The following KLHL29 variants were observed in gnomAD, a reference collection of about 807,000 sequenced individuals.
KLHL29 encodes kelch like family member 29.
Under a neutral mutation model 80.4 loss-of-function variants are expected in KLHL29, and 21 were observed. That is an observed-to-expected ratio of 0.26 (90% CI 0.19 to 0.38). The LOEUF is 0.38. KLHL29 is among the 10% of genes least tolerant of loss of function. KLHL29 has a pLI of 1.00. For synonymous variants in KLHL29, 511 were observed against 526.8 expected (o/e 0.97, Z 0.41); for missense variants, 867 against 1,223.9 (o/e 0.71, Z 4.35).
At chr2:23,529,406 C>T (rs1442778009) in intron 2 of KLHL29, among the ~76,000 whole-genome samples, 1 of 152,340 alleles carries the variant, frequency 6.6e-6, no homozygotes, top group East Asian at 1.9e-4. Context: ...TGAGCCCCTG[C>T]AGCTGGCTAA....
chr2:23,703,085 C>A, intron 11 of KLHL29, 101 bp from the exon 12 acceptor site: 2 of 828,352 alleles, frequency 2.4e-6, no homozygotes, highest in Non-Finnish European at 3.5e-6. Context: ...GCTGGCCATG[C>A]TGAGGGCGAG....
chr2:23,494,741 T>G (rs1665207263), intron 2 of KLHL29, among the ~76,000 whole-genome samples: 1 of 149,212 alleles, frequency 6.7e-6, no homozygotes, highest in African/African-American at 2.5e-5. Context: ...TCGGCTTCCA[T>G]CTGGTCCAGG....
intron 1 of KLHL29, among the ~76,000 whole-genome samples, chr2:23,420,445 G>A (rs1456139360): frequency 1.3e-5 from 2 of 152,200 alleles, no homozygotes; most frequent in African/African-American, 4.8e-5. Flanking sequence ...AGGAACACAG[G>A]CCCGCTGGCT....
In KLHL29 at chr2:23,647,220, A is replaced by C. The variant is rs1296278226; in HGVS notation, c.940+4370A>C. Among the ~76,000 whole-genome samples, 1 of 152,064 alleles carries C rather than the reference A, an allele frequency of 6.6e-6. No individual in the cohort carries two copies. Among genetic ancestry groups the C allele is most frequent in the African/African-American group, 2.4e-5 (1 of 41,398 alleles). ...AGGTGTGAGGCCTGGCACTGATCTC[A>C]TCTCTCCTTGCCCCACACTCTGACA... is the stretch of plus-strand genomic sequence containing the variant. On this transcript the variant is annotated intron_variant, in intron 5 of 13. Transcript: ENST00000486442. The surrounding 1 kb of genome is among the most constrained non-coding windows in gnomAD (Gnocchi z 4.9).
Position 23,696,605 on chromosome 2 carries a change from T to C in KLHL29, c.2105+92T>C. ...ACTGTACCTCCCAACACCCACTCAGTGGCGATGGAGCAGAGCCTGGACCAT... is the reference window on the plus strand; with the variant it reads ...ACTGTACCTCCCAACACCCACTCAGCGGCGATGGAGCAGAGCCTGGACCAT... On this transcript the variant is annotated intron_variant, in intron 11 of 13. Transcript: ENST00000486442. The surrounding 1 kb of genome is among the most constrained non-coding windows in gnomAD (Gnocchi z 5.5). The C allele has an allele frequency of 9.6e-7, 1 of 1,036,508 alleles. No homozygotes were observed. The highest frequency in any genetic ancestry group is 1.4e-6 in the Non-Finnish European group (1 of 719,668). 64.2% of individuals were successfully genotyped at this position (1,036,508 alleles called of 1,614,324 possible).
intron 3 of KLHL29, among the ~76,000 whole-genome samples, chr2:23,616,258 C>A (rs778219565): frequency 4.6e-5 from 7 of 152,186 alleles, no homozygotes; most frequent in Non-Finnish European, 1.0e-4. Context: ...AGTTCATACT[C>A]AGCCTGGGGT....
At chr2:23,427,733 A>T (rs1037640497) in intron 1 of KLHL29, among the ~76,000 whole-genome samples, 2 of 152,232 alleles carry the variant, frequency 1.3e-5, no homozygotes, top group Non-Finnish European at 2.9e-5. Context: ...CCTACTGGGA[A>T]ATATTTTAAG....
chr2:23,487,598 T>A (rs1283349118), intron 2 of KLHL29, among the ~76,000 whole-genome samples: 1 of 151,950 alleles, frequency 6.6e-6, no homozygotes, highest in Non-Finnish European at 1.5e-5. Flanking sequence ...CAGCCCACCC[T>A]GTATCATCTG....
At chr2:23,479,052 C>T (rs1055123217) in intron 2 of KLHL29, among the ~76,000 whole-genome samples, 82 of 151,858 alleles carry the variant, frequency 5.4e-4, no homozygotes, top group Non-Finnish European at 4.1e-4. Context: ...TCTTGGCCTC[C>T]GTGGTGTCCA....
chr2:23,693,301 G>T lies in KLHL29; in HGVS notation c.1315G>T (p.Val439Leu). ...GCTGACGGCCAGCAACTGCCTGGGC[G>T]TGCTGGCCATGGCCGAGGCCATGCA... ...KQLTASNCLG[V>L]LAMAEAMQCS... is the part of the protein sequence containing the mutation. The change falls in exon 8 of 14, where the codon GTG (valine) becomes TTG (leucine). Residue 439 changes from valine to leucine, a missense_variant. Around this residue, in one of 2 missense-constraint regions of KLHL29, gnomAD observed 443 missense variants for 767.0 expected, o/e 0.58. Transcript: ENST00000486442. The T allele has an allele frequency of 6.5e-7, 1 of 1,546,228 alleles. No homozygotes were observed. Among genetic ancestry groups the T allele is most frequent in the Non-Finnish European group, 8.7e-7 (1 of 1,143,390 alleles).
chr2:23,642,682 G>A lies in KLHL29; in HGVS notation c.772G>A (p.Ala258Thr), dbSNP rs1223373697. 5 of 1,548,022 alleles carry A rather than the reference G, an allele frequency of 3.2e-6. No individual in the cohort carries two copies. In the East Asian group the frequency reaches 9.8e-5, roughly 30 times the overall value. Residue 258 changes from alanine to threonine, a missense_variant, in exon 5 of 14, where the codon GCA (alanine) becomes ACA (threonine). Ala to Thr is a moderately conservative substitution (Grantham distance 58). This residue lies in a region of KLHL29 where 424 missense variants were observed against 456.9 expected (regional missense o/e 0.93). Transcript: ENST00000486442. ...CACCGCTGTGGGCAACGGCCACATG[G>A]CAGGGCCCCTGCTGCCTCCACCGCC... ...GPTAVGNGHMAGPLLPPPPPA... is the reference protein window; with the variant it reads ...GPTAVGNGHMTGPLLPPPPPA...
intron 1 of KLHL29, among the ~76,000 whole-genome samples, chr2:23,453,263 G>A (rs763735500): frequency 2.2e-4 from 34 of 152,164 alleles, no homozygotes; most frequent in Non-Finnish European, 4.6e-4. Flanking sequence ...TAACCACACC[G>A]TAGCTCAGTC....
intron 1 of KLHL29, among the ~76,000 whole-genome samples, chr2:23,464,613 G>A (rs1299677760): frequency 6.6e-6 from 1 of 152,108 alleles, no homozygotes. Flanking sequence ...GGTTCTGCTT[G>A]ACAAGAGAGG....
intron 1 of KLHL29, among the ~76,000 whole-genome samples, chr2:23,443,417 G>GT (rs956461996): frequency 2.6e-5 from 4 of 152,156 alleles, no homozygotes; most frequent in African/African-American, 7.2e-5. Context: ...TTTTAGAATT[G>GT]TTTTTTAAAA....
chr2:23,583,892 C>T (rs1558397386), intron 3 of KLHL29, among the ~76,000 whole-genome samples: 1 of 152,238 alleles, frequency 6.6e-6, no homozygotes, highest in East Asian at 1.9e-4. Context: ...CTCTGCTCCT[C>T]TTTATCTTGT....
At chr2:23,518,301 G>C (rs1036376192) in intron 2 of KLHL29, among the ~76,000 whole-genome samples, 6 of 152,162 alleles carry the variant, frequency 3.9e-5, no homozygotes, top group African/African-American at 1.4e-4. Flanking sequence ...TATTTTCCTT[G>C]CTTAGAAGTA....
At chr2:23,499,803 A>C (rs1361483294) in intron 2 of KLHL29, among the ~76,000 whole-genome samples, 1 of 152,230 alleles carries the variant, frequency 6.6e-6, no homozygotes, top group Non-Finnish European at 1.5e-5. Flanking sequence ...TGTTTATGAC[A>C]CATCTTCCTC....
intron 3 of KLHL29, among the ~76,000 whole-genome samples, chr2:23,634,838 C>T (rs544995600): frequency 6.6e-6 from 1 of 152,236 alleles, no homozygotes; most frequent in Non-Finnish European, 1.5e-5. Context: ...CATTCACTCT[C>T]CCTGGAATCC....
chr2:23,422,544 C>G (rs1662848500), intron 1 of KLHL29, among the ~76,000 whole-genome samples: 1 of 148,432 alleles, frequency 6.7e-6, no homozygotes, highest in Non-Finnish European at 1.5e-5. Context: ...GTGTCTGTGT[C>G]TCTCTGTGTT....
Sources: gnomAD v4.1 joint callset for allele counts (sites outside exome capture counted in the v4.1 genomes callset) on GRCh38, gnomAD v4.1.1 for gene constraint, gnomAD v4.1.1 regional missense constraint, Gnocchi (gnomAD v3.1) non-coding constraint, MANE v1.5 for transcripts, NCBI Gene and HGNC (gene_info 2026-07-23, HGNC 2026-07-21) for gene names.